ZNF573: variants seen among roughly 807,000 people sequenced by gnomAD.
ZNF573 encodes zinc finger protein 573.
Under a neutral mutation model 57.4 loss-of-function variants are expected in ZNF573, and 41 were observed. The ratio of observed to expected loss-of-function variants is 0.71; its 90% confidence interval spans 0.56 to 0.93. ZNF573 has a LOEUF of 0.93. Among genes scored for constraint, ZNF573 ranks in the 40% least tolerant of loss-of-function variants. The pLI is 0.00. For missense variants in ZNF573, 730 were observed against 794.8 expected (o/e 0.92, Z 0.98); for synonymous variants, 249 against 261.0 (o/e 0.95, Z 0.44).
chr19:37,774,813 C>T (rs1378184998), intron 1 of ZNF573, among the ~76,000 whole-genome samples: 1 of 151,966 alleles, frequency 6.6e-6, no homozygotes, highest in Non-Finnish European at 1.5e-5. Flanking sequence ...CATATGTTAC[C>T]ATTACTTTTC....
At chr19:37,757,351 C>T (rs1326186016) in intron 4 of ZNF573, among the ~76,000 whole-genome samples, 5 of 152,204 alleles carry the variant, frequency 3.3e-5, no homozygotes, top group East Asian at 1.9e-4. Flanking sequence ...CGCCCGCCAC[C>T]GCGCCCGGCT....
At position 37,739,435 on chromosome 19, in the gene ZNF573, T is replaced by C. The variant is rs145278935; in HGVS notation, c.1055A>G (p.His352Arg). The C allele has an allele frequency of 5.0e-6, 8 of 1,614,028 alleles. No individual in the cohort carries two copies. The African/African-American group carries it at 8.0e-5, about 16-fold the overall frequency. The change falls in exon 5 of 5, where the codon CAT becomes CGT. Residue 352 changes from histidine (H) to arginine (R), a missense_variant. Coordinates refer to ENST00000536220, the MANE Select transcript of ZNF573 (RefSeq NM_001172690.2). ...ASYFLLHQRI[H>R]KGGKPYECKE... ...ACATTCATAGGGTTTTCCACCTTTA[T>C]GAATTCTCTGATGTAGAAGAAAGTA...
chr19:37,754,747 C>CA (rs2045471418), intron 4 of ZNF573, among the ~76,000 whole-genome samples: 1 of 150,612 alleles, frequency 6.6e-6, no homozygotes, highest in Non-Finnish European at 1.5e-5. Context: ...ATCTTGATAT[C>CA]AAAAAATTTT....
At chr19:37,769,948 C>G (rs1487726185) in intron 4 of ZNF573, 57 bp downstream of exon 4, 1 of 1,451,870 alleles carries the variant, frequency 6.9e-7, no homozygotes, top group Non-Finnish European at 9.5e-7. Flanking sequence ...AAAATGTCTC[C>G]TTTCTCTTAC....
intron 4 of ZNF573, chr19:37,740,567 C>A (rs746357182): frequency 2.2e-6 from 1 of 460,442 alleles, no homozygotes; most frequent in Non-Finnish European, 4.3e-6. Context: ...AGAATACATC[C>A]TTTAAGTTTC....
chr19:37,773,584 G>A (rs1385634544), intron 2 of ZNF573, 77 bp downstream of exon 2: 2 of 1,157,794 alleles, frequency 1.7e-6, no homozygotes, highest in Non-Finnish European at 2.4e-6. Flanking sequence ...TTCTTAAATA[G>A]GAAGCCTTAG....
chr19:37,774,018 GATC>G (rs2045683479), intron 1 of ZNF573, among the ~76,000 whole-genome samples: 1 of 151,422 alleles, frequency 6.6e-6, no homozygotes, highest in Non-Finnish European at 1.5e-5. Flanking sequence ...TGGGAAGGCT[GATC>G]TAGACTTGAG....
chr19:37,744,951 T>G (rs2045366690), intron 4 of ZNF573, among the ~76,000 whole-genome samples: 1 of 150,920 alleles, frequency 6.6e-6, no homozygotes, highest in Non-Finnish European at 1.5e-5. Flanking sequence ...CCCGCTAAAT[T>G]TTTTGTATTT....
At chr19:37,771,385 G>A (rs994582389) in intron 3 of ZNF573, among the ~76,000 whole-genome samples, 179 bp downstream of exon 3, 10 of 152,252 alleles carry the variant, frequency 6.6e-5, no homozygotes, top group African/African-American at 1.9e-4. Flanking sequence ...TCTAAAGGAT[G>A]AAGAAAATGA....
At chr19:37,759,685 G>A (rs1056472866) in intron 4 of ZNF573, among the ~76,000 whole-genome samples, 8 of 152,046 alleles carry the variant, frequency 5.3e-5, no homozygotes, top group South Asian at 2.1e-4. Flanking sequence ...CCAAGATCGC[G>A]CCACTGCACT....
chr19:37,759,296 A>G (rs1420082580), intron 4 of ZNF573, among the ~76,000 whole-genome samples: 2 of 152,180 alleles, frequency 1.3e-5, no homozygotes, highest in African/African-American at 4.8e-5. Flanking sequence ...TTTCTTTTAC[A>G]TCAAGTAAAA....
intron 4 of ZNF573, among the ~76,000 whole-genome samples, chr19:37,767,684 T>C (rs2045615208): frequency 6.6e-6 from 1 of 152,278 alleles, no homozygotes; most frequent in Admixed American, 6.5e-5. Context: ...TGGACTCAGA[T>C]ACATAAGCCT....
At chr19:37,772,837 T>C in intron 2 of ZNF573, 1 of 463,250 alleles carries the variant, frequency 2.2e-6, no homozygotes, top group Middle Eastern at 1.1e-3. Context: ...GTGTCTCACT[T>C]TTTTTGCAAG....
chr19:37,741,769 A>G (rs1192041760), intron 4 of ZNF573, among the ~76,000 whole-genome samples: 5 of 152,212 alleles, frequency 3.3e-5, no homozygotes, highest in Non-Finnish European at 1.5e-5. Context: ...CCAGTACAAG[A>G]CAAGGATGCC....
chr19:37,758,230 T>A (rs865947034), intron 4 of ZNF573, among the ~76,000 whole-genome samples: 15,900 of 41,262 alleles, frequency 0.39, 4,110 homozygotes, highest in Non-Finnish European at 0.42. Context: ...TATATATATA[T>A]ATATATATAT....
At position 37,771,707 on chromosome 19, in the gene ZNF573, A is replaced by G. The variant is rs986223788; in HGVS notation, c.70-11T>C. 2 of 1,584,542 alleles carry G rather than the reference A, an allele frequency of 1.3e-6. No homozygotes were observed. The highest frequency in any genetic ancestry group is 2.8e-5 in the African/African-American group (2 of 72,330). ...CACTAATTCCTGAAACTGCAAACCCATGCATTACAAAATTTTAAAAACATT... is the reference window on the plus strand; with the variant it reads ...CACTAATTCCTGAAACTGCAAACCCGTGCATTACAAAATTTTAAAAACATT... On this transcript the variant is annotated splice_polypyrimidine_tract_variant and intron_variant, in intron 2 of 4. Transcript: ENST00000536220.
At chr19:37,761,423 CT>C (rs1358387322) in intron 4 of ZNF573, among the ~76,000 whole-genome samples, 1 of 152,014 alleles carries the variant, frequency 6.6e-6, no homozygotes, top group African/African-American at 2.4e-5. Context: ...CATTCTCCCC[CT>C]AGGCTAACCA....
At chr19:37,743,555 T>C (rs2045348589) in intron 4 of ZNF573, among the ~76,000 whole-genome samples, 1 of 152,152 alleles carries the variant, frequency 6.6e-6, no homozygotes, top group African/African-American at 2.4e-5. Context: ...TGTAAATTAG[T>C]TCAACCACTG....
intron 4 of ZNF573, among the ~76,000 whole-genome samples, chr19:37,750,196 C>A (rs1356363319): frequency 2.6e-5 from 4 of 151,926 alleles, no homozygotes; most frequent in African/African-American, 9.7e-5. Context: ...AATTCTCCTG[C>A]CTCAATCTCC....
Sources: allele counts gnomAD v4.1 joint callset (sites outside exome capture counted in the v4.1 genomes callset), GRCh38; gene constraint gnomAD v4.1.1; transcripts MANE v1.5; gene names NCBI Gene and HGNC (gene_info 2026-07-23, HGNC 2026-07-21).